Variants in FMN1 observed in about 807,000 individuals in gnomAD.
The protein encoded by FMN1 is formin 1.
Under a neutral mutation model 132.4 loss-of-function variants are expected in FMN1, and 110 were observed. The observed-to-expected ratio is 0.83, with a 90% confidence interval of 0.71 to 0.97. The LOEUF is 0.97. Ranked by LOEUF, FMN1 falls within the 50% of genes least tolerant of loss-of-function variation. The pLI, the probability that FMN1 is intolerant of heterozygous loss-of-function variation, is 0.00. For synonymous variants in FMN1, 722 were observed against 651.7 expected, an observed-to-expected ratio of 1.11 and a Z score of -1.64; for missense variants, 1,792 against 1,705.3, an observed-to-expected ratio of 1.05 and a Z score of -0.90.
At chr15:32,784,423 A>G (rs1049123089) in intron 19 of FMN1, among the ~76,000 whole-genome samples, 2 of 151,410 alleles carry the variant, frequency 1.3e-5, no homozygotes, top group African/African-American at 2.4e-5. Flanking sequence ...GAAAAACAAA[A>G]CAAAACAAAA....
At chr15:33,053,986 A>G (rs2064992948) in intron 6 of FMN1, among the ~76,000 whole-genome samples, 1 of 152,144 alleles carries the variant, frequency 6.6e-6, no homozygotes, top group Admixed American at 6.5e-5. Context: ...ACACTGGTGA[A>G]TGAACTCAAT....
At chr15:32,974,721 A>G (rs1241441877) in intron 7 of FMN1, among the ~76,000 whole-genome samples, 3 of 152,232 alleles carry the variant, frequency 2.0e-5, no homozygotes, top group Non-Finnish European at 4.4e-5. Context: ...AACTGTTCTT[A>G]ATCCGTATTC....
chr15:32,935,408 T>A (rs2061240565), intron 9 of FMN1, among the ~76,000 whole-genome samples: 4 of 152,182 alleles, frequency 2.6e-5, no homozygotes, highest in Admixed American at 2.0e-4. Context: ...TGTCTTTAAC[T>A]TTTGACAGTT....
In FMN1 at chr15:32,898,822, A is replaced by G. The variant is rs173224; in HGVS notation, c.3714+12T>C. ...AAGAGGTGAAACTTTTCCACGTAAT[A>G]CCATTTCTTACCTGATCATAGTAAC... On this transcript the variant is annotated intron_variant, in intron 15 of 20. Transcript: ENST00000616417. 0.56 allele frequency: 876,248 copies of G among 1,552,992 alleles called. 253,841 individuals carry two copies. The highest frequency in any genetic ancestry group is 0.89 in the African/African-American group (65,648 of 73,436).
chr15:33,165,643 G>A (rs187064161), intron 3 of FMN1, among the ~76,000 whole-genome samples: 24 of 152,152 alleles, frequency 1.6e-4, no homozygotes, highest in South Asian at 1.0e-3. Flanking sequence ...CGCCTGCCTC[G>A]GCCTCCCAAA....
chr15:32,846,117 T>C (rs2141237581), intron 17 of FMN1, among the ~76,000 whole-genome samples: 1 of 152,368 alleles, frequency 6.6e-6, no homozygotes, highest in East Asian at 1.9e-4. Flanking sequence ...TTATTGTGCC[T>C]ATCGTTAATA....
chr15:32,877,617 A>G (rs561906542), intron 16 of FMN1, among the ~76,000 whole-genome samples: 3 of 152,172 alleles, frequency 2.0e-5, no homozygotes, highest in Non-Finnish European at 4.4e-5. Flanking sequence ...CATCTAGCAA[A>G]CTACTTGTCT....
At chr15:32,804,189 G>T in intron 18 of FMN1, 92 bp downstream of exon 18, 1 of 919,154 alleles carries the variant, frequency 1.1e-6, no homozygotes, top group African/African-American at 1.7e-5. Context: ...TTTGGAGATA[G>T]AACTGCATAG....
intron 4 of FMN1, among the ~76,000 whole-genome samples, chr15:33,121,811 G>A (rs56815735): frequency 0.13 from 19,403 of 152,120 alleles, 3,662 homozygotes; most frequent in African/African-American, 0.42. Context: ...GATTATAGGC[G>A]TGAGCCACCA....
rs1292023027 is a variant in FMN1 at position 32,770,114 on chromosome 15, T to C, written c.*4196A>G. 1 of 152,198 alleles carries C rather than the reference T, an allele frequency of 6.6e-6. No homozygotes were observed. Among genetic ancestry groups the C allele is most frequent in the East Asian group, 1.9e-4 (1 of 5,202 alleles). The allele number at this position is 152,198 out of a possible 1,614,324, so 9.4% of individuals were successfully genotyped here. On this transcript the variant is annotated 3_prime_UTR_variant, in exon 21 of 21. Transcript: ENST00000616417. ...CATATAAAGCTCCAAATTGATTTTA[T>C]CTTTGTTGTTTTTGTGGATGGAGAT...
chr15:32,905,622 C>G (rs1314357405), intron 12 of FMN1, among the ~76,000 whole-genome samples: 1 of 152,206 alleles, frequency 6.6e-6, no homozygotes, highest in Non-Finnish European at 1.5e-5. Context: ...AAATCTGGCA[C>G]TGGAGTGTAA....
intron 6 of FMN1, among the ~76,000 whole-genome samples, chr15:33,031,061 G>A (rs1389307888): frequency 6.6e-6 from 1 of 151,078 alleles, no homozygotes; most frequent in Admixed American, 6.6e-5. Context: ...CCCTGTGTGG[G>A]AATTATTATT....
intron 11 of FMN1, among the ~76,000 whole-genome samples, chr15:32,909,864 T>C (rs1053292453): frequency 1.3e-5 from 2 of 148,326 alleles, no homozygotes; most frequent in Non-Finnish European, 2.9e-5. Context: ...GCTACATATA[T>C]TAAATCCTCA....
intron 9 of FMN1, among the ~76,000 whole-genome samples, chr15:32,927,243 A>C (rs981127368): frequency 3.9e-5 from 6 of 152,176 alleles, no homozygotes; most frequent in African/African-American, 1.4e-4. Context: ...TTGCACACAA[A>C]GCTCTAGTTT....
Position 32,934,597 on chromosome 15 carries a change from C to T in FMN1, c.3139-8336G>A, listed in dbSNP as rs28871405. Among the ~76,000 whole-genome samples, 566 of 145,818 alleles carry T rather than the reference C, an allele frequency of 3.9e-3. 1 individual carries two copies. Among genetic ancestry groups the T allele is most frequent in the Middle Eastern group, 0.011 (3 of 282 alleles). Reference sequence around the variant, plus strand: ...TTTGTTTCTGAAAGACAATTTTTTTCCTTTTTTTTTTTTTTTTTTGGGTGG... The same window carrying T: ...TTTGTTTCTGAAAGACAATTTTTTTTCTTTTTTTTTTTTTTTTTTGGGTGG... On this transcript the variant is annotated intron_variant, in intron 9 of 20. Coordinates refer to ENST00000616417, the MANE Select transcript of FMN1 (RefSeq NM_001277313.2).
At chr15:33,150,981 G>A in intron 4 of FMN1, 2 of 1,087,164 alleles carry the variant, frequency 1.8e-6, no homozygotes, top group Non-Finnish European at 2.2e-6. Context: ...GAAATGAAGT[G>A]AAAGACAAAG....
At chr15:32,936,315 C>T (rs2061269270) in intron 9 of FMN1, among the ~76,000 whole-genome samples, 1 of 152,160 alleles carries the variant, frequency 6.6e-6, no homozygotes, top group South Asian at 2.1e-4. Flanking sequence ...AAAAAGAAGT[C>T]ACCATTCTCA....
chr15:32,810,731 A>G (rs2057847507), intron 17 of FMN1, among the ~76,000 whole-genome samples: 1 of 152,194 alleles, frequency 6.6e-6, no homozygotes, highest in Non-Finnish European at 1.5e-5. Flanking sequence ...AACGCAATTA[A>G]GTCCTATTTA....
chr15:32,778,342 C>T (rs1056878918), intron 19 of FMN1, among the ~76,000 whole-genome samples: 12 of 148,308 alleles, frequency 8.1e-5, no homozygotes, highest in Admixed American at 2.1e-4. Context: ...TGCAGTGATG[C>T]GATCTCAGCT....
Sources: gnomAD v4.1 joint callset for allele counts (sites outside exome capture counted in the v4.1 genomes callset) on GRCh38, gnomAD v4.1.1 for gene constraint, MANE v1.5 for transcripts, NCBI Gene and HGNC (gene_info 2026-07-23, HGNC 2026-07-21) for gene names.